Variants in PIBF1 observed in about 807,000 individuals in gnomAD.
PIBF1 encodes the protein progesterone-induced-blocking factor 1.
PIBF1 carries 90 observed loss-of-function variants against 112.5 expected under a neutral mutation model. That is an observed-to-expected ratio of 0.80 (90% confidence interval 0.67 to 0.95). PIBF1 has a LOEUF of 0.95. PIBF1 is among the 40% of genes least tolerant of loss of function. The pLI is 0.00. For synonymous variants in PIBF1, 301 were observed against 288.6 expected, an observed-to-expected ratio of 1.04 and a Z score of -0.44; for missense variants, 915 against 852.3, an observed-to-expected ratio of 1.07 and a Z score of -0.92.
At chr13:72,930,600 G>T (rs2041667468) in intron 13 of PIBF1, among the ~76,000 whole-genome samples, 1 of 152,120 alleles carries the variant, frequency 6.6e-6, no homozygotes, top group Non-Finnish European at 1.5e-5. Flanking sequence ...GCATCAGAGG[G>T]AGTGATTTTT....
intron 16 of PIBF1, among the ~76,000 whole-genome samples, chr13:72,975,996 T>TA (rs1324122153): frequency 6.6e-6 from 1 of 152,146 alleles, no homozygotes; most frequent in African/African-American, 2.4e-5. Context: ...CACTGAAAAA[T>TA]ATATGAGCAG....
intron 8 of PIBF1, among the ~76,000 whole-genome samples, chr13:72,831,676 T>C (rs2037122395): frequency 6.6e-6 from 1 of 152,192 alleles, no homozygotes; most frequent in Non-Finnish European, 1.5e-5. Flanking sequence ...AGGGGTGTTT[T>C]ACTTCCTATT....
chr13:72,977,094 A>G (rs1265488889), intron 16 of PIBF1, among the ~76,000 whole-genome samples: 1 of 152,188 alleles, frequency 6.6e-6, no homozygotes, highest in Admixed American at 6.5e-5. Context: ...GACAGTGTAA[A>G]TGAGTGATTC....
intron 10 of PIBF1, among the ~76,000 whole-genome samples, chr13:72,877,618 C>T (rs1194710731): frequency 2.6e-5 from 4 of 152,062 alleles, no homozygotes; most frequent in Non-Finnish European, 5.9e-5. Context: ...CAGATTGTGT[C>T]TTTCAAGGAA....
intron 14 of PIBF1, among the ~76,000 whole-genome samples, chr13:72,959,138 G>A (rs1006268128): frequency 3.9e-5 from 6 of 152,138 alleles, no homozygotes; most frequent in Non-Finnish European, 8.8e-5. Flanking sequence ...TGGGATTACA[G>A]GCATGCGCCA....
chr13:72,897,948 T>G (rs1262051196), intron 11 of PIBF1, among the ~76,000 whole-genome samples: 2 of 152,180 alleles, frequency 1.3e-5, no homozygotes, highest in African/African-American at 4.8e-5. Flanking sequence ...AAACTGTACC[T>G]TGGAACAAAT....
chr13:72,887,419 G>T (rs933905922), intron 10 of PIBF1, among the ~76,000 whole-genome samples: 2 of 151,762 alleles, frequency 1.3e-5, no homozygotes, highest in Non-Finnish European at 1.5e-5. Flanking sequence ...TATAGATTGG[G>T]TATAATAGGG....
At chr13:72,863,157 A>G (rs1454902753) in intron 10 of PIBF1, among the ~76,000 whole-genome samples, 1 of 152,172 alleles carries the variant, frequency 6.6e-6, no homozygotes, top group Admixed American at 6.5e-5. Flanking sequence ...GAGGGAGGAA[A>G]AAGATCAATC....
At chr13:72,789,907 A>C (rs2034808901) in intron 2 of PIBF1, among the ~76,000 whole-genome samples, 1 of 152,204 alleles carries the variant, frequency 6.6e-6, no homozygotes, top group South Asian at 2.1e-4. Context: ...AACATGTAAC[A>C]GTATTCTTGA....
chr13:72,899,499 A>T (rs1337343670), intron 11 of PIBF1, among the ~76,000 whole-genome samples: 1 of 152,234 alleles, frequency 6.6e-6, no homozygotes, highest in Non-Finnish European at 1.5e-5. Context: ...ATAACCACAT[A>T]AACAGAATTA....
At chr13:72,998,687 TTAC>T (rs1372983078) in intron 16 of PIBF1, 132 bp from the exon 17 acceptor site, 2 of 602,458 alleles carry the variant, frequency 3.3e-6, no homozygotes, top group Admixed American at 3.3e-5. Flanking sequence ...ATGATTCTAA[TTAC>T]TATTTTATTT....
chr13:72,981,304 A>T (rs2043151854), intron 16 of PIBF1, among the ~76,000 whole-genome samples: 1 of 151,220 alleles, frequency 6.6e-6, no homozygotes, highest in African/African-American at 2.4e-5. Flanking sequence ...AAAATAAAAA[A>T]AAGCTTTTGC....
At chr13:72,802,164 T>G (rs1209267531) in intron 5 of PIBF1, among the ~76,000 whole-genome samples, 2 of 152,202 alleles carry the variant, frequency 1.3e-5, no homozygotes, top group African/African-American at 4.8e-5. Flanking sequence ...CATGGATTTT[T>G]TTTTTGACTG....
In PIBF1 at chr13:72,792,479, A is replaced by C; in HGVS notation, c.285A>C (p.Ala95=). The C allele has an allele frequency of 6.3e-7, 1 of 1,577,162 alleles. No individual in the cohort carries two copies. The highest frequency in any genetic ancestry group is 8.6e-7 in the Non-Finnish European group (1 of 1,165,068). The change falls in exon 3 of 18, where the codon GCA becomes GCC. Residue 95 remains alanine (A), a synonymous_variant. Transcript: ENST00000326291. The stretch of plus-strand genomic sequence containing the variant: ...AATTGGAGGAGAAACTTAATGATGC[A>C]CTTCACCAGAAGCAGCTACTAACAT... ...IEELEEKLND[A]LHQKQLLTLR...
intron 10 of PIBF1, among the ~76,000 whole-genome samples, chr13:72,862,702 T>C (rs1045157734): frequency 6.6e-6 from 1 of 152,156 alleles, no homozygotes; most frequent in Admixed American, 6.5e-5. Flanking sequence ...GTTTGCAGTC[T>C]GAAAGATGAG....
intron 16 of PIBF1, among the ~76,000 whole-genome samples, chr13:72,995,948 CA>C (rs35193072): frequency 2.4e-4 from 30 of 124,700 alleles, no homozygotes; most frequent in East Asian, 6.7e-4. Flanking sequence ...GACTCCATCT[CA>C]AAAAAAAAAA....
At chr13:72,883,091 CCAT>C (rs2039707644) in intron 10 of PIBF1, among the ~76,000 whole-genome samples, 1 of 152,138 alleles carries the variant, frequency 6.6e-6, no homozygotes, top group Non-Finnish European at 1.5e-5. Context: ...ACCCAAGTGT[CCAT>C]CAACAGATAC....
At chr13:72,977,567 A>C (rs1032394187) in intron 16 of PIBF1, among the ~76,000 whole-genome samples, 4 of 152,236 alleles carry the variant, frequency 2.6e-5, no homozygotes, top group African/African-American at 9.6e-5. Flanking sequence ...GTGTTCATGT[A>C]ATGTGAAGTA....
intron 5 of PIBF1, among the ~76,000 whole-genome samples, chr13:72,813,011 G>T (rs1328371882): frequency 2.6e-5 from 4 of 152,040 alleles, no homozygotes; most frequent in Non-Finnish European, 4.4e-5. Context: ...TGTAAGATAG[G>T]TATTTCAGCC....
Sources: allele counts gnomAD v4.1 joint callset (sites outside exome capture counted in the v4.1 genomes callset), GRCh38; gene constraint gnomAD v4.1.1; transcripts MANE v1.5; gene names NCBI Gene and HGNC (gene_info 2026-07-23, HGNC 2026-07-21).